The following CACNA2D3 variants were observed in gnomAD, a reference collection of about 807,000 sequenced individuals.
The protein encoded by CACNA2D3 is voltage-dependent calcium channel subunit alpha-2/delta-3.
In CACNA2D3, 60 loss-of-function variants were observed where a neutral mutation model predicts 160.6. The ratio of observed to expected loss-of-function variants is 0.37; its 90% CI spans 0.30 to 0.46. The LOEUF (loss-of-function observed/expected upper bound fraction) is 0.46. Among genes scored for constraint, CACNA2D3 ranks in the 20% least tolerant of loss-of-function variants. The pLI, the probability that CACNA2D3 is intolerant of heterozygous loss-of-function variation, is 1.00. For missense variants in CACNA2D3, 1,205 were observed against 1,365.0 expected (o/e 0.88, Z 1.85); for synonymous variants, 558 against 492.9 (o/e 1.13, Z -1.75).
At chr3:54,487,377 A>G (rs550380924) in intron 4 of CACNA2D3, among the ~76,000 whole-genome samples, 21 of 152,232 alleles carry the variant, frequency 1.4e-4, no homozygotes, top group Admixed American at 1.4e-3. Flanking sequence ...CAAAGGGGGA[A>G]AAAAACCAGA....
chr3:54,345,575 C>T lies in CACNA2D3; in HGVS notation c.321+25017C>T, dbSNP rs555208685. 3.9e-4 allele frequency among the ~76,000 whole-genome samples: 59 copies of T among 152,202 alleles called. No individual in the cohort carries two copies. In the South Asian group the frequency reaches 4.8e-3, roughly 12 times the overall value. ...GGTGAGAGGGCAGAGGAGCTGGGAT[C>T]GGAGTTCCCGAGAGGCTGAGACATT... On this transcript the variant is annotated intron_variant, in intron 3 of 37. Coordinates refer to ENST00000474759, the MANE Select transcript of CACNA2D3 (RefSeq NM_018398.3).
chr3:55,029,513 G>A (rs761715893), intron 35 of CACNA2D3, among the ~76,000 whole-genome samples: 5 of 152,170 alleles, frequency 3.3e-5, no homozygotes, highest in South Asian at 2.1e-4. Context: ...CTCCTTACTC[G>A]AGATTTCTCA....
chr3:54,572,852 G>A (rs566100464), intron 8 of CACNA2D3, among the ~76,000 whole-genome samples: 5 of 152,238 alleles, frequency 3.3e-5, no homozygotes, highest in South Asian at 2.1e-4. Flanking sequence ...AGAAATTCAC[G>A]TAATAAGAAG....
At chr3:54,736,020 C>CATAT (rs1163965186) in intron 11 of CACNA2D3, among the ~76,000 whole-genome samples, 1 of 79,908 alleles carries the variant, frequency 1.3e-5, no homozygotes, top group Non-Finnish European at 2.5e-5. Context: ...TATATATACA[C>CATAT]ATACATATAT....
intron 5 of CACNA2D3, among the ~76,000 whole-genome samples, chr3:54,508,170 C>T (rs953383168): frequency 3.3e-5 from 5 of 152,158 alleles, no homozygotes; most frequent in Admixed American, 2.6e-4. Context: ...TTGTGGAAGT[C>T]AGAAAGGCAG....
intron 2 of CACNA2D3, among the ~76,000 whole-genome samples, chr3:54,261,535 T>C (rs1312645067): frequency 1.3e-5 from 2 of 152,224 alleles, no homozygotes; most frequent in African/African-American, 4.8e-5. Flanking sequence ...CTAAACCCCT[T>C]ATTCTGCCTG....
rs537691174 is a variant in CACNA2D3, at chr3:54,467,067, G to T, written c.382-36425G>T. 1.1e-4 allele frequency among the ~76,000 whole-genome samples: 16 copies of T among 152,326 alleles called. 1 individual carries two copies. Among genetic ancestry groups the T allele is most frequent in the African/African-American group, 3.8e-4 (16 of 41,568 alleles). On this transcript the variant is annotated intron_variant, in intron 4 of 37. Transcript: ENST00000474759. Reference sequence around the variant, plus strand: ...ATATTTTTTGGTATGTCGTCTTTGAGTGAGAAGACCAGGGTGGGATTTTTT... The same window carrying T: ...ATATTTTTTGGTATGTCGTCTTTGATTGAGAAGACCAGGGTGGGATTTTTT...
chr3:54,874,773 G>A (rs1428192371), intron 18 of CACNA2D3: 1 of 152,230 alleles, frequency 6.6e-6, no homozygotes, highest in African/African-American at 2.4e-5. Flanking sequence ...TTGACACTTG[G>A]ATATTCCATG....
rs1458503515 is a variant in CACNA2D3, at chr3:54,800,248, G to A, written c.1381-16605G>A. 3.9e-5 allele frequency among the ~76,000 whole-genome samples: 6 copies of A among 152,080 alleles called. No homozygotes were observed. In the South Asian group the frequency reaches 6.2e-4, roughly 16 times the overall value. On this transcript the variant is annotated intron_variant, in intron 13 of 37. Coordinates refer to ENST00000474759, the MANE Select transcript of CACNA2D3 (RefSeq NM_018398.3). ...CGCCTTCGATGAATCCCTTTATGTCGTTAGACCCTGGACTGCCATGGGGAC... is the reference window on the plus strand; with the variant it reads ...CGCCTTCGATGAATCCCTTTATGTCATTAGACCCTGGACTGCCATGGGGAC...
intron 4 of CACNA2D3, among the ~76,000 whole-genome samples, chr3:54,496,199 A>T (rs987503513): frequency 3.3e-5 from 5 of 152,206 alleles, no homozygotes; most frequent in African/African-American, 1.2e-4. Context: ...TATGGTAGAT[A>T]TATGTTTAAC....
intron 27 of CACNA2D3, among the ~76,000 whole-genome samples, chr3:54,945,025 A>C (rs1268755327): frequency 6.6e-6 from 1 of 152,172 alleles, no homozygotes; most frequent in East Asian, 1.9e-4. Context: ...AAACTTAGCC[A>C]AACTGGAGAA....
intron 14 of CACNA2D3, among the ~76,000 whole-genome samples, chr3:54,822,781 T>TC (rs1246134644): frequency 0.012 from 971 of 82,992 alleles, 3 homozygotes; most frequent in African/African-American, 0.02. Context: ...TTTCTTTCTT[T>TC]CTTTCTTTCC....
rs180874336 is a variant in CACNA2D3, at chr3:54,466,784, A to G, written c.382-36708A>G. On this transcript the variant is annotated intron_variant, in intron 4 of 37. Transcript: ENST00000474759. ...TGCCTAACACTGTATAATTATAAGT[A>G]TAGCTAGAAAAGTGGGTGTCCTTCA... is the stretch of plus-strand genomic sequence containing the variant. 1.2e-3 allele frequency among the ~76,000 whole-genome samples: 179 copies of G among 152,346 alleles called. 1 individual carries two copies. The highest frequency in any genetic ancestry group is 2.4e-4 in the Non-Finnish European group (16 of 68,038).
chr3:54,638,579 A>G (rs1253875543), intron 10 of CACNA2D3: 1 of 151,862 alleles, frequency 6.6e-6, no homozygotes. Flanking sequence ...TAGAAAAGGA[A>G]GATTAGAAAG....
chr3:54,811,502 T>A (rs1559591385), intron 13 of CACNA2D3, among the ~76,000 whole-genome samples: 15 of 51,402 alleles, frequency 2.9e-4, no homozygotes, highest in African/African-American at 9.3e-4. Context: ...TTTTTTTTTT[T>A]TTTTTTTTTT....
chr3:54,236,878 C>T lies in CACNA2D3; in HGVS notation c.205-83564C>T, dbSNP rs554063850. Among the ~76,000 whole-genome samples the T allele has an allele frequency of 9.9e-5, 15 of 152,024 alleles. No homozygotes were observed. The South Asian group carries it at 1.0e-3, about 11-fold the overall frequency. On this transcript the variant is annotated intron_variant, in intron 2 of 37. Coordinates refer to ENST00000474759, the MANE Select transcript of CACNA2D3 (RefSeq NM_018398.3). The stretch of plus-strand genomic sequence containing the variant: ...GTTTCCTCATTGATAACATGAATAT[C>T]GTAGTATATCATGCCATTGGCAGTT...
chr3:54,347,845 T>G (rs1331159192), intron 3 of CACNA2D3, among the ~76,000 whole-genome samples: 1 of 152,102 alleles, frequency 6.6e-6, no homozygotes, highest in East Asian at 1.9e-4. Flanking sequence ...TCCTTCCACT[T>G]GCTGACATAC....
chr3:54,945,018 C>G (rs976222909), intron 27 of CACNA2D3, among the ~76,000 whole-genome samples: 2 of 152,138 alleles, frequency 1.3e-5, no homozygotes, highest in Non-Finnish European at 2.9e-5. Flanking sequence ...TCAATGAAAA[C>G]TTAGCCAAAC....
chr3:54,488,519 T>C (rs1368243315), intron 4 of CACNA2D3, among the ~76,000 whole-genome samples: 2 of 152,098 alleles, frequency 1.3e-5, no homozygotes, highest in African/African-American at 4.8e-5. Flanking sequence ...CCTTGGACTC[T>C]ACACAGTTCC....
Sources: allele counts gnomAD v4.1 joint callset (sites outside exome capture counted in the v4.1 genomes callset), GRCh38; gene constraint gnomAD v4.1.1; transcripts MANE v1.5; gene names NCBI Gene and HGNC (gene_info 2026-07-23, HGNC 2026-07-21).